The following DCP1A variants were observed in gnomAD, a reference collection of about 807,000 sequenced individuals.
The protein encoded by DCP1A is decapping mRNA 1A, also known as mRNA-decapping enzyme 1A.
Under a neutral mutation model 58.0 loss-of-function variants are expected in DCP1A, and 20 were observed. The ratio of observed to expected loss-of-function variants is 0.34; its 90% CI spans 0.24 to 0.50. DCP1A has a LOEUF of 0.50. Ranked by LOEUF, DCP1A falls within the 20% of genes least tolerant of loss-of-function variation. The probability of loss-of-function intolerance (pLI) is 0.98; values close to 1 mark genes in which losing one functional copy is unlikely to be tolerated. For missense variants in DCP1A, 613 were observed against 712.2 expected (o/e 0.86, Z 1.59); for synonymous variants, 285 against 275.1 (o/e 1.04, Z -0.36).
In DCP1A at chr3:53,296,583, A is replaced by G. The variant is rs567984127; in HGVS notation, c.625-3756T>C. ...GACATTTATCTCCCTATTTTAAAAA[A>G]CTGTAGTAAAATATACATAAAACTT... is the stretch of plus-strand genomic sequence containing the variant. On this transcript the variant is annotated intron_variant, in intron 6 of 9. Transcript: ENST00000610213. Among the ~76,000 whole-genome samples the G allele has an allele frequency of 7.2e-5, 11 of 152,306 alleles. No homozygotes were observed. The South Asian group carries it at 2.3e-3, about 32-fold the overall frequency.
chr3:53,342,305 T>G, intron 2 of DCP1A, 34 bp from the exon 3 acceptor site: 1 of 1,476,760 alleles, frequency 6.8e-7, no homozygotes, highest in Non-Finnish European at 9.3e-7. Context: ...AAATATGTAG[T>G]TACCATTTAA....
intron 6 of DCP1A, among the ~76,000 whole-genome samples, chr3:53,302,659 G>A (rs1157113201): frequency 6.6e-6 from 1 of 152,174 alleles, no homozygotes; most frequent in Non-Finnish European, 1.5e-5. Context: ...GCCTTGCTCT[G>A]TCGCCTAGGC....
chr3:53,315,751 T>G (rs1444678650), intron 4 of DCP1A, among the ~76,000 whole-genome samples: 5 of 105,968 alleles, frequency 4.7e-5, no homozygotes, highest in Non-Finnish European at 7.2e-5. Context: ...GTTGTTTTTT[T>G]TTTTTGTTTT....
At chr3:53,304,663 C>T (rs1707414436) in intron 5 of DCP1A, among the ~76,000 whole-genome samples, 3 of 152,158 alleles carry the variant, frequency 2.0e-5, no homozygotes, top group African/African-American at 7.2e-5. Flanking sequence ...ACCTCTGCCT[C>T]CTGGGTTCAA....
At chr3:53,330,953 G>A (rs55739626) in intron 3 of DCP1A, among the ~76,000 whole-genome samples, 1,894 of 150,938 alleles carry the variant, frequency 0.013, 33 homozygotes, top group African/African-American at 0.044. Flanking sequence ...CTGCCTCCCA[G>A]GTTCAAGTGA....
chr3:53,343,684 T>C (rs533394625), intron 2 of DCP1A, among the ~76,000 whole-genome samples: 1 of 152,346 alleles, frequency 6.6e-6, no homozygotes, highest in South Asian at 2.1e-4. Context: ...CGACCTCGGC[T>C]CACTGCAAGC....
chr3:53,316,991 G>A lies in DCP1A; in HGVS notation c.371+2416C>T, dbSNP rs539930126. Among the ~76,000 whole-genome samples the A allele has an allele frequency of 5.3e-5, 8 of 152,120 alleles. 1 individual carries two copies. Among genetic ancestry groups the A allele is most frequent in the Middle Eastern group, 6.8e-3 (2 of 294 alleles). Reference sequence around the variant, plus strand: ...GTAACACTTGCCCTGATAGATAAACGGTTTTCTTTCAATAGTTGTTAGAGC... The same window carrying A: ...GTAACACTTGCCCTGATAGATAAACAGTTTTCTTTCAATAGTTGTTAGAGC... On this transcript the variant is annotated intron_variant, in intron 4 of 9. Coordinates refer to ENST00000610213, the MANE Select transcript of DCP1A (RefSeq NM_018403.7).
At chr3:53,303,716 A>G (rs1023924441) in intron 6 of DCP1A, among the ~76,000 whole-genome samples, 14 of 152,218 alleles carry the variant, frequency 9.2e-5, no homozygotes, top group African/African-American at 3.4e-4. Context: ...GCAGGAACAT[A>G]TCTGGCACAT....
chr3:53,291,760 CG>C (rs1559679787), intron 7 of DCP1A, among the ~76,000 whole-genome samples: 2 of 151,996 alleles, frequency 1.3e-5, no homozygotes, highest in African/African-American at 4.8e-5. Context: ...AGGAGACTGC[CG>C]TGGGAGATAG....
chr3:53,290,990 G>T, intron 7 of DCP1A, 134 bp from the exon 8 acceptor site: 1 of 768,146 alleles, frequency 1.3e-6, no homozygotes, highest in Non-Finnish European at 2.2e-6. Flanking sequence ...ATATTAACTA[G>T]TTCCTAGATT....
intron 3 of DCP1A, among the ~76,000 whole-genome samples, chr3:53,330,291 G>A (rs1017269151): frequency 1.3e-5 from 2 of 152,084 alleles, no homozygotes; most frequent in Non-Finnish European, 2.9e-5. Context: ...TAGCACTTTG[G>A]GAGGCTGAGG....
At chr3:53,328,392 A>G (rs1553690890) in intron 3 of DCP1A, among the ~76,000 whole-genome samples, 1 of 152,218 alleles carries the variant, frequency 6.6e-6, no homozygotes, top group African/African-American at 2.4e-5. Context: ...AGTACAAACA[A>G]TGATTTCCTT....
At chr3:53,288,845 CG>C (rs1706746773) in intron 8 of DCP1A, among the ~76,000 whole-genome samples, 1 of 152,042 alleles carries the variant, frequency 6.6e-6, no homozygotes, top group Non-Finnish European at 1.5e-5. Context: ...GGTGAAACCC[CG>C]TCTGTACTAA....
At chr3:53,311,350 G>A (rs1707638791) in intron 5 of DCP1A, among the ~76,000 whole-genome samples, 1 of 152,216 alleles carries the variant, frequency 6.6e-6, no homozygotes, top group Non-Finnish European at 1.5e-5. Context: ...TAGAGAGCTT[G>A]TCTCACTCCA....
At chr3:53,321,384 T>C (rs1448007555) in intron 3 of DCP1A, among the ~76,000 whole-genome samples, 1 of 152,200 alleles carries the variant, frequency 6.6e-6, no homozygotes, top group Non-Finnish European at 1.5e-5. Context: ...AAGTAACTTA[T>C]TAACAAATTA....
At chr3:53,325,926 CT>C (rs1387901194) in intron 3 of DCP1A, among the ~76,000 whole-genome samples, 1 of 152,162 alleles carries the variant, frequency 6.6e-6, no homozygotes, top group Non-Finnish European at 1.5e-5. Flanking sequence ...ATTCAATTAT[CT>C]TTGCAGCTTA....
At chr3:53,319,108 A>C (rs1553689583) in intron 4 of DCP1A, among the ~76,000 whole-genome samples, 1 of 152,194 alleles carries the variant, frequency 6.6e-6, no homozygotes, top group East Asian at 1.9e-4. Flanking sequence ...AATGCTGTTG[A>C]TATGAAAAGC....
At chr3:53,333,343 A>T (rs1300713622) in intron 3 of DCP1A, among the ~76,000 whole-genome samples, 1 of 151,600 alleles carries the variant, frequency 6.6e-6, no homozygotes, top group Non-Finnish European at 1.5e-5. Flanking sequence ...ACAAGTTTTC[A>T]CCATCTTGGG....
At chr3:53,347,349 C>G (rs781955848) in intron 1 of DCP1A, 34 bp downstream of exon 1, 3 of 1,524,098 alleles carry the variant, frequency 2.0e-6, no homozygotes, top group East Asian at 2.4e-5. Context: ...CGGCAGCGGC[C>G]GGGTGGCCGT....
Sources: allele counts gnomAD v4.1 joint callset (sites outside exome capture counted in the v4.1 genomes callset), GRCh38; gene constraint gnomAD v4.1.1; transcripts MANE v1.5; gene names NCBI Gene and HGNC (gene_info 2026-07-23, HGNC 2026-07-21).